Variants in DENND5B observed in about 807,000 individuals in gnomAD.
DENND5B encodes DENN domain containing 5B.
Under a neutral mutation model 140.6 loss-of-function variants are expected in DENND5B, and 34 were observed. The observed-to-expected ratio is 0.24, with a 90% CI of 0.18 to 0.32. The LOEUF (loss-of-function observed/expected upper bound fraction) is 0.32. Ranked by LOEUF, DENND5B falls within the 10% of genes least tolerant of loss-of-function variation. DENND5B has a pLI of 1.00. For synonymous variants in DENND5B, 551 were observed against 562.1 expected, an observed-to-expected ratio of 0.98 and a Z score of 0.28; for missense variants, 1,142 against 1,560.2, an observed-to-expected ratio of 0.73 and a Z score of 4.52.
rs1295446730 is a variant in DENND5B, at chr12:31,382,407, T to C, written c.*5196A>G. 6.6e-6 allele frequency: 1 copy of C among 152,128 alleles called. No individual in the cohort carries two copies. The highest frequency in any genetic ancestry group is 1.9e-4 in the East Asian group (1 of 5,194). 9.4% of individuals were successfully genotyped at this position (152,128 alleles called of 1,614,324 possible). On this transcript the variant is annotated 3_prime_UTR_variant, in exon 21 of 21. Coordinates refer to ENST00000389082, the MANE Select transcript of DENND5B (RefSeq NM_144973.4). ...AGAAAAAAAATCCAGTTCTGATGCA[T>C]TTTGCTAACAATACAAAGAAAAACA...
chr12:31,585,648 C>T (rs931983811), intron 1 of DENND5B, among the ~76,000 whole-genome samples: 2 of 152,218 alleles, frequency 1.3e-5, no homozygotes, highest in Non-Finnish European at 2.9e-5. Flanking sequence ...GAGCCTCAGT[C>T]TCTTTACCAT....
At chr12:31,545,010 C>T (rs768418073) in intron 1 of DENND5B, among the ~76,000 whole-genome samples, 9 of 151,950 alleles carry the variant, frequency 5.9e-5, no homozygotes, top group Non-Finnish European at 1.2e-4. Flanking sequence ...AGCATAAAAA[C>T]AAAGGGAAGG....
At position 31,553,822 on chromosome 12, in the gene DENND5B, CTTCT is replaced by C. The variant is rs1238948754; in HGVS notation, c.127+36880_127+36883del. Among the ~76,000 whole-genome samples the C allele has an allele frequency of 9.2e-5, 14 of 152,134 alleles. No individual in the cohort carries two copies. The East Asian group carries it at 1.3e-3, about 15-fold the overall frequency. On this transcript the variant is annotated intron_variant, in intron 1 of 20. Coordinates refer to ENST00000389082, the MANE Select transcript of DENND5B (RefSeq NM_144973.4). ...GATCCCTTTACCATTATGTAATGGCCTTCTTTGTCTCTTTTGATCTTTGTTGGTT... is the reference window on the plus strand; with the variant it reads ...GATCCCTTTACCATTATGTAATGGCCTTGTCTCTTTTGATCTTTGTTGGTT...
intron 17 of DENND5B, among the ~76,000 whole-genome samples, chr12:31,394,191 CTG>C (rs2137301799): frequency 6.6e-6 from 1 of 151,192 alleles, no homozygotes; most frequent in Non-Finnish European, 1.5e-5. Context: ...ATTTTGAAAA[CTG>C]TCACCCATTC....
At chr12:31,397,107 A>G (rs569238561) in intron 17 of DENND5B, among the ~76,000 whole-genome samples, 2 of 152,322 alleles carry the variant, frequency 1.3e-5, no homozygotes, top group African/African-American at 4.8e-5. Context: ...CATTAGTATA[A>G]ATTAGAAGTT....
chr12:31,591,055 G>T lies in DENND5B; in HGVS notation c.-223C>A, dbSNP rs1235616491. ...CGGCGGGTCCGGAGCCCGGCCGGGT[G>T]GGGGAGGGGCGCGGGGGGAGTGTCG... On this transcript the variant is annotated 5_prime_UTR_variant, in exon 1 of 21. Coordinates refer to ENST00000389082, the MANE Select transcript of DENND5B (RefSeq NM_144973.4). 4.4e-6 allele frequency: 1 copy of T among 228,770 alleles called. No homozygotes were observed. Among genetic ancestry groups the T allele is most frequent in the Non-Finnish European group, 7.2e-6 (1 of 139,016 alleles). The allele number at this position is 228,770 out of a possible 1,614,324, so 14.2% of individuals were successfully genotyped here. A position where few individuals can be genotyped will look rare whatever the true frequency, so the allele number is the denominator to read the frequency against.
chr12:31,454,315 A>T (rs892509113), intron 4 of DENND5B, among the ~76,000 whole-genome samples: 2 of 152,172 alleles, frequency 1.3e-5, no homozygotes, highest in African/African-American at 4.8e-5. Flanking sequence ...GTGCACCCTC[A>T]AACAGCCTGG....
chr12:31,418,110 C>T (rs1266681822), intron 11 of DENND5B, among the ~76,000 whole-genome samples: 1 of 152,014 alleles, frequency 6.6e-6, no homozygotes, highest in Non-Finnish European at 1.5e-5. Flanking sequence ...CCTTCCATAC[C>T]ATGTGGATGA....
rs1346094713 is a variant in DENND5B, at chr12:31,389,313, T to C, written c.3641+11A>G. The C allele has an allele frequency of 6.2e-7, 1 of 1,603,434 alleles. No individual in the cohort carries two copies. Among genetic ancestry groups the C allele is most frequent in the Admixed American group, 1.7e-5 (1 of 58,724 alleles). On this transcript the variant is annotated intron_variant, in intron 20 of 20. Coordinates refer to ENST00000389082, the MANE Select transcript of DENND5B (RefSeq NM_144973.4). The stretch of plus-strand genomic sequence containing the variant: ...GACAAAGATAGGGAAAATAAAAAAC[T>C]GGTTTTGTACCTTGTTCCAAGGCAA...
intron 1 of DENND5B, among the ~76,000 whole-genome samples, chr12:31,561,226 C>T (rs1272827237): frequency 6.6e-6 from 1 of 152,202 alleles, no homozygotes; most frequent in Non-Finnish European, 1.5e-5. Flanking sequence ...GCAAAGCCCG[C>T]AATTTAAAGC....
At chr12:31,439,230 C>A (rs535076441) in intron 7 of DENND5B, among the ~76,000 whole-genome samples, 20 of 152,336 alleles carry the variant, frequency 1.3e-4, no homozygotes, top group Admixed American at 1.2e-3. Flanking sequence ...GATCCACAGG[C>A]ATGGTTATAA....
At chr12:31,388,966 G>A (rs1292941721) in intron 20 of DENND5B, among the ~76,000 whole-genome samples, 2 of 152,264 alleles carry the variant, frequency 1.3e-5, no homozygotes, top group Non-Finnish European at 2.9e-5. Flanking sequence ...AGTGGGACAG[G>A]GTGTGAACCT....
At chr12:31,538,995 T>A (rs1293729772) in intron 1 of DENND5B, among the ~76,000 whole-genome samples, 1 of 145,522 alleles carries the variant, frequency 6.9e-6, no homozygotes, top group Non-Finnish European at 1.5e-5. Flanking sequence ...GACAAACTGC[T>A]AGACAGACTA....
chr12:31,579,571 G>T (rs568064287), intron 1 of DENND5B, among the ~76,000 whole-genome samples: 2 of 152,230 alleles, frequency 1.3e-5, no homozygotes, highest in South Asian at 4.1e-4. Context: ...TGAGGCAGGA[G>T]AATCACTTGA....
chr12:31,432,147 C>T, intron 8 of DENND5B: 4 of 984,526 alleles, frequency 4.1e-6, no homozygotes, highest in East Asian at 1.1e-4. Context: ...AAAAGTTCCC[C>T]GGAAGGCTAA....
chr12:31,501,162 AC>A (rs971502224), intron 1 of DENND5B, among the ~76,000 whole-genome samples: 2 of 152,136 alleles, frequency 1.3e-5, no homozygotes, highest in Admixed American at 6.6e-5. Flanking sequence ...CGTGGGAGGG[AC>A]CCAGTGAGAA....
At chr12:31,413,310 AAAG>A in intron 13 of DENND5B, 123 bp downstream of exon 13, 1 of 1,164,526 alleles carries the variant, frequency 8.6e-7, no homozygotes, top group Non-Finnish European at 1.2e-6. Flanking sequence ...CCTGTTAGAT[AAAG>A]AAGAATGCAT....
chr12:31,477,865 C>G (rs991462342), intron 3 of DENND5B: 1 of 224,438 alleles, frequency 4.5e-6, no homozygotes, highest in African/African-American at 2.3e-5. Flanking sequence ...AAGAATCAAG[C>G]CCCTGAAGTT....
intron 3 of DENND5B, among the ~76,000 whole-genome samples, chr12:31,460,651 A>C (rs1565601649): frequency 6.6e-6 from 1 of 152,210 alleles, no homozygotes. Context: ...ATATTCTCTT[A>C]AAGTGTGGAG....
Sources: allele counts gnomAD v4.1 joint callset (sites outside exome capture counted in the v4.1 genomes callset), GRCh38; gene constraint gnomAD v4.1.1; transcripts MANE v1.5; gene names NCBI Gene and HGNC (gene_info 2026-07-23, HGNC 2026-07-21).